Variants in KDM5B observed in about 807,000 individuals in gnomAD.
The protein encoded by KDM5B is lysine-specific demethylase 5B.
KDM5B carries 144 observed loss-of-function variants against 193.4 expected under a neutral mutation model. The ratio of observed to expected loss-of-function variants is 0.74; its 90% CI spans 0.65 to 0.86. The LOEUF (loss-of-function observed/expected upper bound fraction) is 0.86, where lower values mean the gene tolerates loss of function less well. KDM5B is among the 40% of genes least tolerant of loss of function. The pLI is 0.00. For missense variants in KDM5B, 1,833 were observed against 1,886.9 expected (o/e 0.97, Z 0.53); for synonymous variants, 668 against 682.6 (o/e 0.98, Z 0.33).
At chr1:202,749,203 A>C in intron 13 of KDM5B, 64 bp from the exon 14 acceptor site, 2 of 1,386,796 alleles carry the variant, frequency 1.4e-6, no homozygotes, top group Non-Finnish European at 2.0e-6. Flanking sequence ...AACACCTCTG[A>C]CCCATTATTA....
intron 10 of KDM5B, 84 bp downstream of exon 10, chr1:202,756,274 G>T (rs1227734352): frequency 2.6e-6 from 3 of 1,156,300 alleles, no homozygotes; most frequent in Non-Finnish European, 3.7e-6. Flanking sequence ...TTAAGGATTT[G>T]CTAAAAGTAA....
chr1:202,740,840 G>A (rs776804141), intron 19 of KDM5B, 28 bp from the exon 20 acceptor site: 2 of 1,580,148 alleles, frequency 1.3e-6, no homozygotes, highest in Non-Finnish European at 1.7e-6. Flanking sequence ...AGACTTCTTA[G>A]CATTTTATAT....
At chr1:202,790,593 G>A (rs921815620) in intron 1 of KDM5B, among the ~76,000 whole-genome samples, 2 of 151,272 alleles carry the variant, frequency 1.3e-5, no homozygotes, top group Non-Finnish European at 3.0e-5. Flanking sequence ...GGTGGCACAC[G>A]CCTGTGATTC....
rs924891218 is a variant in KDM5B at position 202,767,424 on chromosome 1, G to C, written c.577-364C>G. 6.6e-6 allele frequency: 9 copies of C among 1,368,644 alleles called. No homozygotes were observed. The South Asian group carries it at 1.0e-4, about 16-fold the overall frequency. 84.8% of individuals were successfully genotyped at this position (1,368,644 alleles called of 1,614,324 possible). A position where few individuals can be genotyped will look rare whatever the true frequency, so the allele number is the denominator to read the frequency against. On this transcript the variant is annotated intron_variant, in intron 4 of 26. Coordinates refer to ENST00000367265, the MANE Select transcript of KDM5B (RefSeq NM_006618.5). ...TCCGGATGCTCTAGCCCAACATAGC[G>C]CTGCTGGAAGCTCTGCGAAAGGTGC...
chr1:202,800,592 G>A (rs1324492313), intron 1 of KDM5B, among the ~76,000 whole-genome samples: 1 of 151,556 alleles, frequency 6.6e-6, no homozygotes, highest in African/African-American at 2.4e-5. Flanking sequence ...CTCCTGCCTG[G>A]AGCCTCCCAA....
intron 1 of KDM5B, among the ~76,000 whole-genome samples, chr1:202,784,099 CA>C (rs1657309807): frequency 6.6e-6 from 1 of 152,132 alleles, no homozygotes; most frequent in South Asian, 2.1e-4. Flanking sequence ...GAACAACTTT[CA>C]AAAGATGCTG....
intron 1 of KDM5B, among the ~76,000 whole-genome samples, chr1:202,780,779 T>A (rs1253985318): frequency 7.1e-6 from 1 of 141,016 alleles, no homozygotes; most frequent in African/African-American, 2.5e-5. Flanking sequence ...TTGCAGCTTT[T>A]GCCATTACTA....
At position 202,733,676 on chromosome 1, in the gene KDM5B, C is replaced by T; in HGVS notation, c.3634G>A (p.Gly1212Ser). The T allele has an allele frequency of 6.2e-7, 1 of 1,614,056 alleles. No homozygotes were observed. The highest frequency in any genetic ancestry group is 8.5e-7 in the Non-Finnish European group (1 of 1,180,012). The part of the protein sequence containing the change: ...SCVAVPSISQ[G>S]LRIWLCPHCR... The stretch of plus-strand genomic sequence containing the variant: ...TGGGGACAAAGCCAGATTCGCAGGC[C>T]CTGTGAAATACTGGGTACCGCCACA... The change falls in exon 23 of 27, where the codon GGC becomes AGC. Residue 1212 changes from glycine to serine, a missense_variant. By Grantham distance (56) the Gly-to-Ser change is moderately conservative. This residue lies in a region of KDM5B where 1,379 missense variants were observed against 1,349.6 expected (regional missense o/e 1.02). Transcript: ENST00000367265.
intron 1 of KDM5B, among the ~76,000 whole-genome samples, chr1:202,788,764 T>C (rs1192087591): frequency 6.6e-6 from 1 of 152,208 alleles, no homozygotes. Context: ...CATGCTGTAA[T>C]CAAGTATATA....
At chr1:202,797,775 T>C (rs749566217) in intron 1 of KDM5B, among the ~76,000 whole-genome samples, 2 of 152,202 alleles carry the variant, frequency 1.3e-5, no homozygotes, top group Non-Finnish European at 2.9e-5. Context: ...TTAATACAAA[T>C]CTCACCAAAC....
rs999448218 is a variant in KDM5B at position 202,808,418 on chromosome 1, G to T, written c.-113C>A. On this transcript the variant is annotated 5_prime_UTR_variant, in exon 1 of 27. Transcript: ENST00000367265. ...GCTCGAGCAACAGCAAGTCCGAGTTGTACGGGCAACGGCAGCACCTTGGGC... is the reference window on the plus strand; with the variant it reads ...GCTCGAGCAACAGCAAGTCCGAGTTTTACGGGCAACGGCAGCACCTTGGGC... 3 of 977,362 alleles carry T rather than the reference G, an allele frequency of 3.1e-6. No homozygotes were observed. Among genetic ancestry groups the T allele is most frequent in the Non-Finnish European group, 2.9e-6 (2 of 679,432 alleles). 60.5% of individuals were successfully genotyped at this position (977,362 alleles called of 1,614,324 possible). A position where few individuals can be genotyped will look rare whatever the true frequency, so the allele number is the denominator to read the frequency against.
intron 1 of KDM5B, among the ~76,000 whole-genome samples, chr1:202,778,085 G>C (rs1201720334): frequency 6.6e-6 from 1 of 151,876 alleles, no homozygotes; most frequent in Non-Finnish European, 1.5e-5. Context: ...TGAGACAGGA[G>C]AATCGCTGGA....
chr1:202,748,761 T>G (rs776870436), intron 14 of KDM5B, among the ~76,000 whole-genome samples, 184 bp downstream of exon 14: 6 of 152,192 alleles, frequency 3.9e-5, no homozygotes, highest in Non-Finnish European at 8.8e-5. Flanking sequence ...AAGAGACATA[T>G]GTACATGTGG....
At position 202,784,902 on chromosome 1, in the gene KDM5B, C is replaced by T. The variant is rs149129960; in HGVS notation, c.205-7808G>A. ...TACAAAAATTGGCCGGGCATTGTGG[C>T]GCACACCTGTCATCCTAGCTACTCA... On this transcript the variant is annotated intron_variant, in intron 1 of 26. Coordinates refer to ENST00000367265, the MANE Select transcript of KDM5B (RefSeq NM_006618.5). 1.1e-3 allele frequency among the ~76,000 whole-genome samples: 164 copies of T among 151,766 alleles called. 3 individuals carry two copies. In the East Asian group the frequency reaches 0.029, roughly 27 times the overall value.
At chr1:202,791,126 C>T (rs1419807060) in intron 1 of KDM5B, among the ~76,000 whole-genome samples, 1 of 152,168 alleles carries the variant, frequency 6.6e-6, no homozygotes, top group Admixed American at 6.5e-5. Flanking sequence ...TCAGACTATG[C>T]TGTGTGACTG....
chr1:202,780,806 AT>A (rs1393642438), intron 1 of KDM5B, among the ~76,000 whole-genome samples: 13 of 151,328 alleles, frequency 8.6e-5, no homozygotes, highest in African/African-American at 2.7e-4. Flanking sequence ...AAAAAAAAAA[AT>A]ACATATATAT....
intron 6 of KDM5B, among the ~76,000 whole-genome samples, chr1:202,763,557 C>G (rs1656333614): frequency 6.6e-6 from 1 of 152,058 alleles, no homozygotes; most frequent in South Asian, 2.1e-4. Context: ...GTATGTGCCT[C>G]CTATATAGGA....
intron 11 of KDM5B, among the ~76,000 whole-genome samples, chr1:202,753,373 T>G (rs941273167): frequency 3.3e-5 from 5 of 152,076 alleles, no homozygotes; most frequent in Non-Finnish European, 5.9e-5. Flanking sequence ...CAGGCACCTG[T>G]AATCCCAGCT....
At chr1:202,797,039 C>T (rs1208758316) in intron 1 of KDM5B, 1 of 152,218 alleles carries the variant, frequency 6.6e-6, no homozygotes, top group Non-Finnish European at 1.5e-5. Flanking sequence ...ACGATCACCA[C>T]TTATGAGTTC....
Sources: gnomAD v4.1 joint callset for allele counts (sites outside exome capture counted in the v4.1 genomes callset) on GRCh38, gnomAD v4.1.1 for gene constraint, gnomAD v4.1.1 regional missense constraint, MANE v1.5 for transcripts, NCBI Gene and HGNC (gene_info 2026-07-23, HGNC 2026-07-21) for gene names.